ELAVL2: variants seen among roughly 807,000 people sequenced by gnomAD.
ELAVL2 encodes the protein ELAV like RNA binding protein 2.
In ELAVL2, 4 loss-of-function variants were observed where a neutral mutation model predicts 34.6. That is an observed-to-expected ratio of 0.12 (90% confidence interval 0.06 to 0.26). The LOEUF is 0.26. ELAVL2 is among the 10% of genes least tolerant of loss of function. The probability of loss-of-function intolerance (pLI) is 1.00; values close to 1 mark genes in which losing one functional copy is unlikely to be tolerated. For synonymous variants in ELAVL2, 193 were observed against 154.8 expected, an observed-to-expected ratio of 1.25 and a Z score of -1.83; for missense variants, 432 against 442.8, an observed-to-expected ratio of 0.98 and a Z score of 0.22.
At chr9:23,772,819 C>T (rs1758661947) in intron 1 of ELAVL2, among the ~76,000 whole-genome samples, 1 of 152,102 alleles carries the variant, frequency 6.6e-6, no homozygotes, top group Non-Finnish European at 1.5e-5. Context: ...ATTCCCAAGA[C>T]ATGTATACTT....
At chr9:23,740,192 T>G (rs1416383359) in intron 2 of ELAVL2, among the ~76,000 whole-genome samples, 4 of 152,152 alleles carry the variant, frequency 2.6e-5, no homozygotes, top group Non-Finnish European at 5.9e-5. Context: ...GCCCCATAAA[T>G]GCTATGTCTA....
intron 2 of ELAVL2, among the ~76,000 whole-genome samples, chr9:23,741,736 G>A (rs183045899): frequency 5.7e-4 from 86 of 151,764 alleles, no homozygotes; most frequent in African/African-American, 2.1e-3. Flanking sequence ...CACTGAACAA[G>A]ACACACAGAT....
intron 3 of ELAVL2, among the ~76,000 whole-genome samples, chr9:23,707,056 G>A (rs557984211): frequency 1.3e-5 from 2 of 152,300 alleles, no homozygotes; most frequent in Admixed American, 1.3e-4. Flanking sequence ...AAGAAACAAG[G>A]AATTTGGAAT....
intron 2 of ELAVL2, among the ~76,000 whole-genome samples, chr9:23,748,195 G>C (rs2050985189): frequency 6.6e-6 from 1 of 151,554 alleles, no homozygotes. Context: ...GAGTACTAGG[G>C]AAGGGGGAGA....
At chr9:23,757,774 G>C (rs569390795) in intron 2 of ELAVL2, among the ~76,000 whole-genome samples, 17 of 152,062 alleles carry the variant, frequency 1.1e-4, no homozygotes, top group African/African-American at 4.1e-4. Context: ...ATAGAACTTA[G>C]TCTAGAGAGA....
intron 5 of ELAVL2, 92 bp from the exon 6 acceptor site, chr9:23,693,578 A>C (rs1435878156): frequency 2.8e-6 from 4 of 1,421,732 alleles, no homozygotes; most frequent in East Asian, 2.3e-5. Flanking sequence ...TTCCGAGGGG[A>C]TATCTGTACA....
At chr9:23,834,778 C>G in the ELAVL2 span, among the ~76,000 whole-genome samples, 1 of 151,988 alleles carries the variant, frequency 6.6e-6, no homozygotes, top group Non-Finnish European at 1.5e-5. Flanking sequence ...TCTATCTGCC[C>G]TGTTATGTGA....
At chr9:23,737,570 T>C (rs547430749) in intron 2 of ELAVL2, among the ~76,000 whole-genome samples, 2 of 152,346 alleles carry the variant, frequency 1.3e-5, no homozygotes, top group South Asian at 4.1e-4. Context: ...GAAAGTACTT[T>C]TTCACTAATA....
chr9:23,698,841 C>G (rs1333324487), intron 5 of ELAVL2, among the ~76,000 whole-genome samples: 1 of 152,176 alleles, frequency 6.6e-6, no homozygotes. Context: ...AACCTGAAAT[C>G]TGATTTCTTC....
the ELAVL2 span, chr9:23,849,434 G>C: frequency 2.0e-5 from 3 of 152,218 alleles, no homozygotes; most frequent in Non-Finnish European, 4.4e-5. Flanking sequence ...GAAGTGTGAG[G>C]AAGAATGGTC....
At chr9:23,836,115 T>C in the ELAVL2 span, among the ~76,000 whole-genome samples, 22 of 152,316 alleles carry the variant, frequency 1.4e-4, no homozygotes, top group East Asian at 3.9e-3. Context: ...TCCATTTCTC[T>C]GATGGAGCAT....
At chr9:23,823,847 T>A (rs1167644164) in intron 1 of ELAVL2, among the ~76,000 whole-genome samples, 1 of 152,192 alleles carries the variant, frequency 6.6e-6, no homozygotes, top group Non-Finnish European at 1.5e-5. Flanking sequence ...TTTCTAAAAA[T>A]TTTCATTGTA....
chr9:23,794,484 G>C (rs765884500), intron 1 of ELAVL2, among the ~76,000 whole-genome samples: 1 of 152,138 alleles, frequency 6.6e-6, no homozygotes, highest in Non-Finnish European at 1.5e-5. Flanking sequence ...ATTTTTCTTA[G>C]GGAGTGAAAA....
chr9:23,693,595 A>G lies in ELAVL2; in HGVS notation c.714-109T>C, dbSNP rs1041247836. 5.6e-5 allele frequency: 72 copies of G among 1,289,898 alleles called. No individual in the cohort carries two copies. In the South Asian group the frequency reaches 5.6e-4, roughly 10 times the overall value. 79.9% of individuals were successfully genotyped at this position (1,289,898 alleles called of 1,614,324 possible). A position where few individuals can be genotyped will look rare whatever the true frequency, so the allele number is the denominator to read the frequency against. On this transcript the variant is annotated intron_variant, in intron 5 of 6. Transcript: ENST00000397312. Reference sequence around the variant, plus strand: ...CCGAGGGGATATCTGTACACTGATTATATGTGAAGACTCAGAATGCTGGGT... The same window carrying G: ...CCGAGGGGATATCTGTACACTGATTGTATGTGAAGACTCAGAATGCTGGGT...
At chr9:23,724,673 T>C (rs995045813) in intron 3 of ELAVL2, among the ~76,000 whole-genome samples, 1 of 152,192 alleles carries the variant, frequency 6.6e-6, no homozygotes, top group African/African-American at 2.4e-5. Flanking sequence ...AAGCATTTTA[T>C]TTAAATGTAT....
At chr9:23,746,985 C>T (rs1032185348) in intron 2 of ELAVL2, among the ~76,000 whole-genome samples, 1 of 152,078 alleles carries the variant, frequency 6.6e-6, no homozygotes, top group African/African-American at 2.4e-5. Flanking sequence ...ATTCCACCTT[C>T]ACAGTATGAC....
At chr9:23,781,518 CTTT>C (rs34293408) in intron 1 of ELAVL2, among the ~76,000 whole-genome samples, 3 of 135,800 alleles carry the variant, frequency 2.2e-5, no homozygotes, top group Non-Finnish European at 3.2e-5. Context: ...TTTTTCTTTC[CTTT>C]TTTTTTTTTT....
intron 3 of ELAVL2, among the ~76,000 whole-genome samples, chr9:23,718,744 G>A (rs2042936620): frequency 6.6e-6 from 1 of 152,188 alleles, no homozygotes; most frequent in African/African-American, 2.4e-5. Context: ...ATTAGTGAGT[G>A]TTGTTTTATG....
chr9:23,706,945 C>T (rs2039520603), intron 3 of ELAVL2, among the ~76,000 whole-genome samples: 1 of 152,120 alleles, frequency 6.6e-6, no homozygotes, highest in African/African-American at 2.4e-5. Flanking sequence ...ACATTTAATA[C>T]TCTTCTTTAT....
Sources: gnomAD v4.1 joint callset for allele counts (sites outside exome capture counted in the v4.1 genomes callset) on GRCh38, gnomAD v4.1.1 for gene constraint, MANE v1.5 for transcripts, NCBI Gene and HGNC (gene_info 2026-07-23, HGNC 2026-07-21) for gene names.